Variants in DTL observed in about 807,000 individuals in gnomAD.
The protein encoded by DTL is denticleless E3 ubiquitin protein ligase adapter.
In DTL, 46 loss-of-function variants were observed where a neutral mutation model predicts 87.0. That is an observed-to-expected ratio of 0.53 (90% confidence interval 0.42 to 0.68). DTL has a LOEUF of 0.68. DTL is among the 30% of genes least tolerant of loss of function. The pLI is 0.00. For synonymous variants in DTL, 308 were observed against 311.2 expected (o/e 0.99, Z 0.11); for missense variants, 737 against 869.4 (o/e 0.85, Z 1.91).
chr1:212,068,786 C>G, intron 10 of DTL, 83 bp downstream of exon 10: 1 of 822,178 alleles, frequency 1.2e-6, no homozygotes, highest in Non-Finnish European at 2.0e-6. Context: ...GGGCTTTCTT[C>G]TAAACTGAAC....
intron 1 of DTL, among the ~76,000 whole-genome samples, chr1:212,036,624 T>C (rs1667472618): frequency 6.6e-6 from 1 of 152,238 alleles, no homozygotes; most frequent in Non-Finnish European, 1.5e-5. Context: ...TTTTTCACTT[T>C]AATGGTATAA....
rs77740407 is a variant in DTL at position 212,039,543 on chromosome 1, G to T, written c.53-3450G>T. Among the ~76,000 whole-genome samples the T allele has an allele frequency of 1.3e-3, 191 of 152,252 alleles. 4 individuals are homozygous for T. In the East Asian group the frequency reaches 0.035, roughly 28 times the overall value. ...CAGAGACATCAGGTTTTTCAGACAGGTGAGTTTTAGAAATGCGTATATAGT... is the reference window on the plus strand; with the variant it reads ...CAGAGACATCAGGTTTTTCAGACAGTTGAGTTTTAGAAATGCGTATATAGT... On this transcript the variant is annotated intron_variant, in intron 1 of 14. Coordinates refer to ENST00000366991, the MANE Select transcript of DTL (RefSeq NM_016448.4).
chr1:212,045,227 C>A (rs993466970), intron 3 of DTL, among the ~76,000 whole-genome samples: 5 of 152,160 alleles, frequency 3.3e-5, no homozygotes, highest in African/African-American at 1.2e-4. Context: ...AAGGGACAAA[C>A]ATCTGTAGTA....
intron 6 of DTL, among the ~76,000 whole-genome samples, chr1:212,064,393 T>C (rs1654431069): frequency 6.6e-6 from 1 of 152,220 alleles, no homozygotes; most frequent in Non-Finnish European, 1.5e-5. Context: ...GTTTATAATT[T>C]ACATCAGTGT....
At chr1:212,074,496 CAT>C (rs953148736) in intron 11 of DTL, among the ~76,000 whole-genome samples, 1 of 152,112 alleles carries the variant, frequency 6.6e-6, no homozygotes, top group African/African-American at 2.4e-5. Flanking sequence ...GGCTGGGTCA[CAT>C]GTCAGTGTTG....
rs528390569 is a variant in DTL, at chr1:212,063,142, C to T, written c.526+193C>T. On this transcript the variant is annotated intron_variant, in intron 6 of 14. Transcript: ENST00000366991. The stretch of plus-strand genomic sequence containing the variant: ...GATAAATACATGAGTGTCACTGTTA[C>T]AAGTATTACACTCATGTATTTATCT... Among the ~76,000 whole-genome samples, 3 of 152,196 alleles carry T rather than the reference C, an allele frequency of 2.0e-5. No homozygotes were observed. In the South Asian group the frequency reaches 6.2e-4, roughly 32 times the overall value.
At chr1:212,039,765 A>G (rs914441243) in intron 1 of DTL, among the ~76,000 whole-genome samples, 2 of 152,204 alleles carry the variant, frequency 1.3e-5, no homozygotes, top group Non-Finnish European at 1.5e-5. Flanking sequence ...CTGTAACACA[A>G]TGGTAAGTAT....
rs954150177 is a variant in DTL, at chr1:212,052,068, G to T, written c.460+4651G>T. 6.6e-6 allele frequency: 6 copies of T among 905,572 alleles called. No individual in the cohort carries two copies. The East Asian group carries it at 1.5e-4, about 22-fold the overall frequency. 56.1% of individuals were successfully genotyped at this position (905,572 alleles called of 1,614,324 possible). Reference sequence around the variant, plus strand: ...AAAGAAGCTGGATATGAAATTCTGGGTCAACAGCTTTTTTTTCCTTTCATT... The same window carrying T: ...AAAGAAGCTGGATATGAAATTCTGGTTCAACAGCTTTTTTTTCCTTTCATT... On this transcript the variant is annotated intron_variant, in intron 5 of 14. Transcript: ENST00000366991.
chr1:212,070,231 A>G (rs768350142), intron 10 of DTL, among the ~76,000 whole-genome samples: 2 of 152,186 alleles, frequency 1.3e-5, no homozygotes, highest in Non-Finnish European at 2.9e-5. Context: ...ACACTTCGCT[A>G]ATAATTTAGT....
At chr1:212,046,972 A>G (rs1486295390) in intron 3 of DTL, among the ~76,000 whole-genome samples, 179 bp from the exon 4 acceptor site, 3 of 152,182 alleles carry the variant, frequency 2.0e-5, no homozygotes, top group African/African-American at 7.2e-5. Flanking sequence ...GACTTTTTAA[A>G]TAATTGCCAT....
chr1:212,089,473 A>T (rs1655222670), intron 13 of DTL, among the ~76,000 whole-genome samples: 1 of 152,184 alleles, frequency 6.6e-6, no homozygotes, highest in African/African-American at 2.4e-5. Flanking sequence ...TGTATGTGCT[A>T]AATAGGCACA....
In DTL at chr1:212,081,349, C is replaced by A. The variant is rs1457774043; in HGVS notation, c.1261+599C>A. On this transcript the variant is annotated intron_variant, in intron 13 of 14. Coordinates refer to ENST00000366991, the MANE Select transcript of DTL (RefSeq NM_016448.4). The stretch of plus-strand genomic sequence containing the variant: ...GAGCATGCTTGGCATATTTTCTCTT[C>A]CTCAGAGAGGCTAGCATGGCTGGCC... Among the ~76,000 whole-genome samples the A allele has an allele frequency of 2.0e-5, 3 of 152,288 alleles. No individual in the cohort carries two copies. In the East Asian group the frequency reaches 5.8e-4, roughly 29 times the overall value.
At chr1:212,071,393 T>C (rs944682158) in intron 10 of DTL, among the ~76,000 whole-genome samples, 27 of 152,196 alleles carry the variant, frequency 1.8e-4, no homozygotes, top group Admixed American at 1.6e-3. Context: ...TAAGAACATA[T>C]GCTAGATTGG....
rs763895557 is a variant in DTL, at chr1:212,100,727, C to T, written c.1737C>T (p.Gly579=). The change falls in exon 14 of 15, where the codon GGC becomes GGT. Residue 579 remains glycine, a synonymous_variant. Coordinates refer to ENST00000366991, the MANE Select transcript of DTL (RefSeq NM_016448.4). ...KSCNCVTELD[G]QVENLHLDLC... ...GTAACTGTGTGACTGAGCTTGATGGCCAAGTTGAAAATCTTCATTTGGATC... is the reference window on the plus strand; with the variant it reads ...GTAACTGTGTGACTGAGCTTGATGGTCAAGTTGAAAATCTTCATTTGGATC... 3.7e-6 allele frequency: 6 copies of T among 1,614,048 alleles called. No homozygotes were observed. The highest frequency in any genetic ancestry group is 1.3e-5 in the African/African-American group (1 of 75,012).
intron 6 of DTL, among the ~76,000 whole-genome samples, chr1:212,064,329 G>T (rs904698913): frequency 1.3e-5 from 2 of 152,130 alleles, no homozygotes; most frequent in African/African-American, 4.8e-5. Context: ...CTGTGCCTGA[G>T]TGGTACATTT....
At chr1:212,053,587 TTTG>T (rs1000987910) in intron 5 of DTL, among the ~76,000 whole-genome samples, 13 of 152,246 alleles carry the variant, frequency 8.5e-5, no homozygotes, top group South Asian at 6.2e-4. Context: ...TTTTTTGTTT[TTTG>T]TTGTTGTTGT....
chr1:212,101,175 TAAA>T (rs1047302578), intron 14 of DTL, 91 bp downstream of exon 14: 120 of 976,022 alleles, frequency 1.2e-4, no homozygotes, highest in Non-Finnish European at 1.7e-4. Flanking sequence ...TTTTTTTTTT[TAAA>T]GAAAGAAATC....
intron 5 of DTL, among the ~76,000 whole-genome samples, chr1:212,057,360 GAAAAAA>G (rs35722026): frequency 7.0e-6 from 1 of 143,708 alleles, no homozygotes. Flanking sequence ...CATGCTTAAA[GAAAAAA>G]AAAAAAACCT....
chr1:212,035,839 T>C lies in DTL; in HGVS notation c.-52T>C, dbSNP rs1667428179. 1 of 1,573,926 alleles carries C rather than the reference T, an allele frequency of 6.4e-7. No individual in the cohort carries two copies. The highest frequency in any genetic ancestry group is 1.7e-5 in the Admixed American group (1 of 59,946). On this transcript the variant is annotated 5_prime_UTR_variant, in exon 1 of 15. Transcript: ENST00000366991. ...CGCAAGCTGCGATTTCTGCTGAACT[T>C]GGAGGCATTTCTACGACTTTTCTCT...
Sources: gnomAD v4.1 joint callset for allele counts (sites outside exome capture counted in the v4.1 genomes callset) on GRCh38, gnomAD v4.1.1 for gene constraint, MANE v1.5 for transcripts, NCBI Gene and HGNC (gene_info 2026-07-23, HGNC 2026-07-21) for gene names.